The following PHF21B variants were observed in gnomAD, a reference collection of about 807,000 sequenced individuals.
PHF21B encodes PHD finger protein 21B, also known as PHD finger protein 4.
PHF21B carries 22 observed loss-of-function variants against 62.2 expected under a neutral mutation model. That is an observed-to-expected ratio of 0.35 (90% CI 0.25 to 0.51). The LOEUF is 0.51. PHF21B is among the 20% of genes least tolerant of loss of function. The pLI, the probability that PHF21B is intolerant of heterozygous loss-of-function variation, is 0.97. For missense variants in PHF21B, 701 were observed against 707.9 expected (o/e 0.99, Z 0.11); for synonymous variants, 341 against 314.7 (o/e 1.08, Z -0.88).
At chr22:44,994,240 A>C (rs1268463357) in intron 2 of PHF21B, among the ~76,000 whole-genome samples, 1 of 152,242 alleles carries the variant, frequency 6.6e-6, no homozygotes, top group Non-Finnish European at 1.5e-5. Context: ...TTATTTGGAA[A>C]TAGGGTCATT....
intron 2 of PHF21B, chr22:45,001,041 G>A (rs929659760): frequency 2.0e-5 from 3 of 152,224 alleles, no homozygotes; most frequent in African/African-American, 7.2e-5. Context: ...ACAGGAAGCT[G>A]GGCCGTGAAC....
chr22:44,965,973 G>A (rs1257937476), intron 2 of PHF21B, among the ~76,000 whole-genome samples: 6 of 152,198 alleles, frequency 3.9e-5, no homozygotes, highest in African/African-American at 7.2e-5. Context: ...CCAAAGGCCC[G>A]GCTCCCACGG....
chr22:44,958,279 T>A lies in PHF21B; in HGVS notation c.121-37789A>T, dbSNP rs16993210. On this transcript the variant is annotated intron_variant, in intron 2 of 12. Transcript: ENST00000313237. ...CCTGCTGCCTCCCTGACTCTCTCCC[T>A]ACACAGTGAGGGTCTAGTCGGGGTC... Among the ~76,000 whole-genome samples the A allele has an allele frequency of 0.016, 2,511 of 152,210 alleles. 367 individuals are homozygous for A. The East Asian group carries it at 0.35, about 21-fold the overall frequency.
chr22:44,883,319 G>A lies in PHF21B; in HGVS notation c.1378-15C>T. On this transcript the variant is annotated splice_polypyrimidine_tract_variant and intron_variant, in intron 12 of 12. Transcript: ENST00000313237. ...TCCAGGCATTTCTGTTGGGGAGAAG[G>A]TCAGGGGAAAGGGTCTCAGTATTCG... The A allele has an allele frequency of 1.2e-6, 2 of 1,611,606 alleles. No homozygotes were observed. The highest frequency in any genetic ancestry group is 8.5e-7 in the Non-Finnish European group (1 of 1,179,098).
intron 5 of PHF21B, among the ~76,000 whole-genome samples, chr22:44,907,400 G>A (rs1000385318): frequency 3.3e-5 from 5 of 152,212 alleles, no homozygotes; most frequent in Admixed American, 3.3e-4. Context: ...AAGGGGACAC[G>A]ATCCCACCTC....
chr22:44,888,816 G>A (rs887938588), intron 9 of PHF21B, among the ~76,000 whole-genome samples: 18 of 152,292 alleles, frequency 1.2e-4, no homozygotes, highest in African/African-American at 4.3e-4. Flanking sequence ...GGAGGGAGAG[G>A]CGGTTGTCAC....
At chr22:44,920,322 A>G (rs1213023349) in intron 3 of PHF21B, 76 bp downstream of exon 3, 9 of 1,225,748 alleles carry the variant, frequency 7.3e-6, no homozygotes, top group South Asian at 1.6e-5. Context: ...CAGAAACCTC[A>G]GTGCTGAGGG....
rs182096612 is a variant in PHF21B, at chr22:44,984,522, C to G, written c.120+24023G>C. ...CAGGCTTCCGCAGGTGAACAGAGCT[C>G]GGGGATTCAGGTGCAGTCAAGGGGC... is the stretch of plus-strand genomic sequence containing the variant. On this transcript the variant is annotated intron_variant, in intron 2 of 12. Transcript: ENST00000313237. 4.6e-5 allele frequency among the ~76,000 whole-genome samples: 7 copies of G among 152,230 alleles called. No homozygotes were observed. The East Asian group carries it at 1.4e-3, about 29-fold the overall frequency.
chr22:44,906,828 G>A (rs561150667), intron 5 of PHF21B, among the ~76,000 whole-genome samples: 15 of 152,310 alleles, frequency 9.8e-5, no homozygotes, highest in African/African-American at 3.1e-4. Context: ...ACAGTCAACC[G>A]TGAGACTCAG....
At chr22:44,902,350 T>C (rs2071174731) in intron 5 of PHF21B, 2 of 348,878 alleles carry the variant, frequency 5.7e-6, no homozygotes, top group South Asian at 5.9e-5. Context: ...GTATCAAAGC[T>C]ATTCCTCAGC....
At chr22:44,888,967 G>A (rs2070911244) in intron 9 of PHF21B, among the ~76,000 whole-genome samples, 1 of 152,204 alleles carries the variant, frequency 6.6e-6, no homozygotes. Flanking sequence ...GGTGTCCCCT[G>A]TCCACATGCC....
At position 44,916,556 on chromosome 22, in the gene PHF21B, T is replaced by C. The variant is rs1601595924; in HGVS notation, c.288A>G (p.Pro96=). The C allele has an allele frequency of 6.2e-7, 1 of 1,608,682 alleles. No homozygotes were observed. Among genetic ancestry groups the C allele is most frequent in the Non-Finnish European group, 8.5e-7 (1 of 1,179,892 alleles). ...TGACCACGGTGGCCTTCTGGAATGT[T>C]GGGGGCTGCTTGGGTGGCCGGTCCC... ...PGRDRPPKQP[P]TFQKATVVSV... Residue 96 remains proline, a synonymous_variant, in exon 4 of 13, where the codon CCA becomes CCG. Coordinates refer to ENST00000313237, the MANE Select transcript of PHF21B (RefSeq NM_138415.5).
intron 2 of PHF21B, among the ~76,000 whole-genome samples, chr22:44,955,106 C>T (rs886237232): frequency 1.3e-5 from 2 of 152,158 alleles, no homozygotes; most frequent in African/African-American, 2.4e-5. Flanking sequence ...TGGGAATGGC[C>T]GGTTAAGAAG....
chr22:44,958,598 A>ATTTTTTTTTTTTTTTTTTTTTT (rs59943293), intron 2 of PHF21B, among the ~76,000 whole-genome samples: 1 of 75,886 alleles, frequency 1.3e-5, no homozygotes, highest in African/African-American at 5.6e-5. Flanking sequence ...CCTTCCTTTG[A>ATTTTTTTTTTTTTTTTTTTTTT]TTTTTTTTTT....
chr22:44,886,767 A>G (rs2070866869), intron 10 of PHF21B, among the ~76,000 whole-genome samples: 1 of 152,170 alleles, frequency 6.6e-6, no homozygotes, highest in Non-Finnish European at 1.5e-5. Flanking sequence ...ACAGCCCGAC[A>G]GCAGCCCCTG....
intron 2 of PHF21B, among the ~76,000 whole-genome samples, chr22:44,954,752 G>A (rs536026890): frequency 1.3e-5 from 2 of 152,306 alleles, no homozygotes; most frequent in East Asian, 1.9e-4. Context: ...TAGAGACCGG[G>A]CTTGATGCAC....
intron 2 of PHF21B, among the ~76,000 whole-genome samples, chr22:44,926,281 G>A (rs562769799): frequency 7.2e-5 from 11 of 152,372 alleles, no homozygotes; most frequent in South Asian, 4.1e-4. Context: ...GCATGTCCCC[G>A]CGGTGGATTC....
chr22:44,976,245 C>A (rs1185223384), intron 2 of PHF21B, among the ~76,000 whole-genome samples: 1 of 152,206 alleles, frequency 6.6e-6, no homozygotes, highest in African/African-American at 2.4e-5. Context: ...GATGCATGTA[C>A]ATATTGTGTA....
intron 3 of PHF21B, among the ~76,000 whole-genome samples, chr22:44,918,685 T>G (rs1471596751): frequency 3.9e-5 from 6 of 152,242 alleles, no homozygotes; most frequent in Admixed American, 3.3e-4. Context: ...TGGCCCAAGC[T>G]GACTGTCCTG....
Sources: allele counts gnomAD v4.1 joint callset (sites outside exome capture counted in the v4.1 genomes callset), GRCh38; gene constraint gnomAD v4.1.1; transcripts MANE v1.5; gene names NCBI Gene and HGNC (gene_info 2026-07-23, HGNC 2026-07-21).